PLCL1: variants seen among roughly 807,000 people sequenced by gnomAD.
PLCL1 encodes inactive phospholipase C-like protein 1.
A neutral mutation model predicts 84.4 loss-of-function variants in PLCL1; 41 were observed. That is an observed-to-expected ratio of 0.49 (90% CI 0.38 to 0.63). The LOEUF is 0.63. PLCL1 is among the 30% of genes least tolerant of loss of function. The pLI is 0.00. For missense variants in PLCL1, 1,206 were observed against 1,367.8 expected, an observed-to-expected ratio of 0.88 and a Z score of 1.87; for synonymous variants, 490 against 488.3, an observed-to-expected ratio of 1.00 and a Z score of -0.05.
chr2:197,955,144 T>C (rs1364856990), intron 1 of PLCL1, among the ~76,000 whole-genome samples: 1 of 152,102 alleles, frequency 6.6e-6, no homozygotes, highest in African/African-American at 2.4e-5. Flanking sequence ...CTCTTCTAGA[T>C]AGTTGTAGGA....
At chr2:197,932,162 A>G (rs1224140944) in intron 1 of PLCL1, among the ~76,000 whole-genome samples, 3 of 152,154 alleles carry the variant, frequency 2.0e-5, no homozygotes, top group Admixed American at 2.0e-4. Flanking sequence ...ATACTCACTC[A>G]TTCCACAGTT....
At chr2:197,923,019 A>T (rs1158303869) in intron 1 of PLCL1, among the ~76,000 whole-genome samples, 2 of 92,912 alleles carry the variant, frequency 2.2e-5, no homozygotes, top group African/African-American at 4.2e-5. Flanking sequence ...ACTTCCCAGT[A>T]GGGGCGGCCG....
At chr2:197,902,847 G>A (rs537430440) in intron 1 of PLCL1, among the ~76,000 whole-genome samples, 1 of 152,226 alleles carries the variant, frequency 6.6e-6, no homozygotes, top group African/African-American at 2.4e-5. Flanking sequence ...TCCCAGCCCA[G>A]GTTTTCAGTT....
chr2:198,047,364 A>G (rs1417778751), intron 1 of PLCL1, among the ~76,000 whole-genome samples: 1 of 152,000 alleles, frequency 6.6e-6, no homozygotes, highest in African/African-American at 2.4e-5. Flanking sequence ...TTATATTTTT[A>G]TTAGAGATGG....
chr2:197,813,005 A>G (rs1690617254), intron 1 of PLCL1, among the ~76,000 whole-genome samples: 1 of 152,184 alleles, frequency 6.6e-6, no homozygotes, highest in Non-Finnish European at 1.5e-5. Context: ...GCCGATGATG[A>G]GGGTGCGCAC....
At chr2:197,902,260 T>C (rs1303982800) in intron 1 of PLCL1, among the ~76,000 whole-genome samples, 2 of 152,202 alleles carry the variant, frequency 1.3e-5, no homozygotes, top group African/African-American at 4.8e-5. Flanking sequence ...TGTGAATCTA[T>C]AGACCCTGGA....
At chr2:197,874,307 C>T (rs968240259) in intron 1 of PLCL1, among the ~76,000 whole-genome samples, 9 of 151,512 alleles carry the variant, frequency 5.9e-5, no homozygotes, top group Non-Finnish European at 1.0e-4. Context: ...AAATTATCTT[C>T]GTTATAGAAA....
chr2:197,853,702 T>A (rs1361989669), intron 1 of PLCL1, among the ~76,000 whole-genome samples: 1 of 152,242 alleles, frequency 6.6e-6, no homozygotes, highest in Admixed American at 6.5e-5. Context: ...CTCCTATGCA[T>A]CCTGTAAGAC....
At chr2:198,055,764 T>C (rs1692056188) in intron 1 of PLCL1, among the ~76,000 whole-genome samples, 1 of 152,158 alleles carries the variant, frequency 6.6e-6, no homozygotes, top group Non-Finnish European at 1.5e-5. Flanking sequence ...ATCTTTTTCT[T>C]TCCTTTTAAA....
intron 5 of PLCL1, among the ~76,000 whole-genome samples, chr2:198,125,266 G>C (rs1405336574): frequency 1.3e-5 from 2 of 152,040 alleles, no homozygotes; most frequent in African/African-American, 4.8e-5. Flanking sequence ...TTTAAACCAA[G>C]GACAGATTTC....
intron 1 of PLCL1, among the ~76,000 whole-genome samples, chr2:197,906,647 T>C (rs932523743): frequency 3.3e-5 from 5 of 152,224 alleles, no homozygotes; most frequent in African/African-American, 1.2e-4. Context: ...ATAAATTACT[T>C]TGGGCAGTAA....
At position 198,083,987 on chromosome 2, in the gene PLCL1, A is replaced by C; in HGVS notation, c.470A>C (p.Lys157Thr). 1 of 1,614,190 alleles carries C rather than the reference A, an allele frequency of 6.2e-7. No individual in the cohort carries two copies. The highest frequency in any genetic ancestry group is 8.5e-7 in the Non-Finnish European group (1 of 1,180,008). ...EPSKKDLEKA[K>T]LDISAIKEIR... Reference sequence around the variant, plus strand: ...TCAAAGAAAGACCTCGAGAAAGCCAAGCTTGATATTTCTGCCATAAAAGAG... The same window carrying C: ...TCAAAGAAAGACCTCGAGAAAGCCACGCTTGATATTTCTGCCATAAAAGAG... The change falls in exon 2 of 6, where the codon AAG (lysine) becomes ACG (threonine). Residue 157 changes from lysine to threonine, a missense_variant. Transcript: ENST00000428675.
At chr2:197,947,066 T>C (rs1223902462) in intron 1 of PLCL1, among the ~76,000 whole-genome samples, 1 of 152,094 alleles carries the variant, frequency 6.6e-6, no homozygotes, top group Non-Finnish European at 1.5e-5. Context: ...GCTTACTGTG[T>C]ATCAGATAGT....
At chr2:198,038,707 T>C (rs1030969732) in intron 1 of PLCL1, among the ~76,000 whole-genome samples, 14 of 152,058 alleles carry the variant, frequency 9.2e-5, no homozygotes, top group Non-Finnish European at 1.9e-4. Flanking sequence ...AATACAACAA[T>C]CACTTCTCAG....
rs1215315731 is a variant in PLCL1 at position 197,866,034 on chromosome 2, A to ATATATATATAT, written c.240+60695_240+60696insTATATATATAT. On this transcript the variant is annotated intron_variant, in intron 1 of 5. Transcript: ENST00000428675. ...CCAAAAAAAAAAAAAAAAAAAAAAA[A>ATATATATATAT]AAATATATATATATATATACACACA... Among the ~76,000 whole-genome samples the ATATATATATAT allele has an allele frequency of 4.8e-5, 2 of 41,748 alleles. 1 individual carries two copies. Among genetic ancestry groups the ATATATATATAT allele is most frequent in the Non-Finnish European group, 8.4e-5 (2 of 23,950 alleles). 27.4% of individuals were successfully genotyped at this position (41,748 alleles called of 152,430 possible). A position where few individuals can be genotyped will look rare whatever the true frequency, so the allele number is the denominator to read the frequency against.
chr2:198,097,361 G>A (rs1009515366), intron 3 of PLCL1, among the ~76,000 whole-genome samples: 2 of 152,120 alleles, frequency 1.3e-5, no homozygotes, highest in African/African-American at 2.4e-5. Context: ...CCATAAGCAA[G>A]TATTTCAGGT....
intron 5 of PLCL1, among the ~76,000 whole-genome samples, chr2:198,139,802 A>G (rs185594090): frequency 6.6e-6 from 1 of 152,202 alleles, no homozygotes. Flanking sequence ...GCAAGTCCTC[A>G]TTAATAGCTA....
chr2:198,045,581 G>A (rs1225370419), intron 1 of PLCL1, among the ~76,000 whole-genome samples: 1 of 152,038 alleles, frequency 6.6e-6, no homozygotes, highest in Non-Finnish European at 1.5e-5. Flanking sequence ...TAATTGTTTT[G>A]CATTAATTTA....
chr2:198,052,582 T>C (rs1691965002), intron 1 of PLCL1, among the ~76,000 whole-genome samples: 1 of 152,178 alleles, frequency 6.6e-6, no homozygotes, highest in Admixed American at 6.5e-5. Flanking sequence ...AAGCATTATT[T>C]CAGCACCAAC....
Sources: allele counts gnomAD v4.1 joint callset (sites outside exome capture counted in the v4.1 genomes callset), GRCh38; gene constraint gnomAD v4.1.1; transcripts MANE v1.5; gene names NCBI Gene and HGNC (gene_info 2026-07-23, HGNC 2026-07-21).